RUFY1: variants seen among roughly 807,000 people sequenced by gnomAD.
RUFY1 encodes RUN and FYVE domain-containing protein 1.
Under a neutral mutation model 94.6 loss-of-function variants are expected in RUFY1, and 54 were observed. The observed-to-expected ratio is 0.57, with a 90% confidence interval of 0.46 to 0.72. The LOEUF (loss-of-function observed/expected upper bound fraction) is 0.72, where lower values mean the gene tolerates loss of function less well. Ranked by LOEUF, RUFY1 falls within the 30% of genes least tolerant of loss-of-function variation. The probability of loss-of-function intolerance (pLI) is 0.00; values close to 1 mark genes in which losing one functional copy is unlikely to be tolerated. For synonymous variants in RUFY1, 396 were observed against 347.3 expected, an observed-to-expected ratio of 1.14 and a Z score of -1.56; for missense variants, 883 against 883.9, an observed-to-expected ratio of 1.00 and a Z score of 0.01.
At chr5:179,588,309 C>G (rs1291188434) in intron 8 of RUFY1, among the ~76,000 whole-genome samples, 1 of 152,148 alleles carries the variant, frequency 6.6e-6, no homozygotes, top group Non-Finnish European at 1.5e-5. Flanking sequence ...GAGAGCCAGC[C>G]AAGCACCAAG....
chr5:179,551,654 C>G (rs1407726694), intron 1 of RUFY1, among the ~76,000 whole-genome samples: 1 of 149,840 alleles, frequency 6.7e-6, no homozygotes, highest in South Asian at 2.1e-4. Context: ...CACCACCACG[C>G]TCGGCTAAGT....
intron 15 of RUFY1, among the ~76,000 whole-genome samples, chr5:179,605,278 C>CAA (rs35410796): frequency 0.016 from 2,086 of 130,590 alleles, 37 homozygotes; most frequent in Middle Eastern, 0.034. Flanking sequence ...GATCCTGTCT[C>CAA]AAAAAAAAAA....
chr5:179,577,148 G>C lies in RUFY1; in HGVS notation c.890+12G>C, dbSNP rs369807065. On this transcript the variant is annotated intron_variant, in intron 6 of 17. Coordinates refer to ENST00000319449, the MANE Select transcript of RUFY1 (RefSeq NM_025158.5). Reference sequence around the variant, plus strand: ...GATGGTGGCAAGGAGTAAGTACTGCGTTGTATGTCACTTTTTTTTTTTTTT... The same window carrying C: ...GATGGTGGCAAGGAGTAAGTACTGCCTTGTATGTCACTTTTTTTTTTTTTT... The C allele has an allele frequency of 8.3e-6, 7 of 839,042 alleles. No homozygotes were observed. The highest frequency in any genetic ancestry group is 1.3e-5 in the Non-Finnish European group (7 of 537,370). The allele number at this position is 839,042 out of a possible 1,614,324, so 52.0% of individuals were successfully genotyped here. A position where few individuals can be genotyped will look rare whatever the true frequency, so the allele number is the denominator to read the frequency against.
chr5:179,601,268 A>C (rs1327375620), intron 14 of RUFY1, among the ~76,000 whole-genome samples: 4 of 151,872 alleles, frequency 2.6e-5, no homozygotes, highest in African/African-American at 9.7e-5. Context: ...TCCCGGGTTC[A>C]AGCAGTTCTC....
At chr5:179,605,278 C>CA (rs35410796) in intron 15 of RUFY1, among the ~76,000 whole-genome samples, 69,629 of 130,452 alleles carry the variant, frequency 0.53, 17,587 homozygotes, top group Non-Finnish European at 0.58. Context: ...GATCCTGTCT[C>CA]AAAAAAAAAA....
chr5:179,583,201 G>A (rs1036525150), intron 7 of RUFY1, among the ~76,000 whole-genome samples: 8 of 151,578 alleles, frequency 5.3e-5, no homozygotes, highest in Non-Finnish European at 1.2e-4. Context: ...GCTCGAGGCT[G>A]AGGCAAGAGA....
At chr5:179,575,783 GTTTT>G (rs549835247) in intron 5 of RUFY1, among the ~76,000 whole-genome samples, 1 of 151,600 alleles carries the variant, frequency 6.6e-6, no homozygotes, top group Non-Finnish European at 1.5e-5. Flanking sequence ...GAGTTTTGTT[GTTTT>G]TTTTGTTTTG....
At chr5:179,594,374 C>T (rs992740414) in intron 11 of RUFY1, among the ~76,000 whole-genome samples, 6 of 151,294 alleles carry the variant, frequency 4.0e-5, no homozygotes, top group Admixed American at 2.0e-4. Context: ...CTGAGTCTTC[C>T]GGGCCACATA....
intron 1 of RUFY1, among the ~76,000 whole-genome samples, chr5:179,553,628 A>G (rs1202668942): frequency 6.6e-6 from 1 of 151,762 alleles, no homozygotes; most frequent in Non-Finnish European, 1.5e-5. Flanking sequence ...TACTAAAAAA[A>G]AAAGTACAAA....
At chr5:179,580,078 T>C (rs1447400048) in intron 6 of RUFY1, among the ~76,000 whole-genome samples, 2 of 152,060 alleles carry the variant, frequency 1.3e-5, no homozygotes, top group Non-Finnish European at 2.9e-5. Flanking sequence ...TGTGGTATAT[T>C]TTGCAGACGT....
intron 3 of RUFY1, among the ~76,000 whole-genome samples, chr5:179,564,792 C>T (rs970568511): frequency 7.9e-5 from 12 of 152,076 alleles, no homozygotes; most frequent in South Asian, 2.1e-4. Context: ...CTATTGCAGT[C>T]GTTATTGGTA....
intron 1 of RUFY1, among the ~76,000 whole-genome samples, chr5:179,558,934 C>G (rs1279357154): frequency 1.3e-5 from 2 of 152,108 alleles, no homozygotes; most frequent in Non-Finnish European, 2.9e-5. Flanking sequence ...AAGACAAAGG[C>G]AAGCAATTCA....
At chr5:179,565,608 G>A (rs373644377) in intron 3 of RUFY1, among the ~76,000 whole-genome samples, 1 of 145,136 alleles carries the variant, frequency 6.9e-6, no homozygotes, top group Admixed American at 7.1e-5. Flanking sequence ...ATCTCTTTGT[G>A]TATCGAATAT....
At chr5:179,605,830 C>A in intron 15 of RUFY1, 46 bp from the exon 16 acceptor site, 4 of 1,060,788 alleles carry the variant, frequency 3.8e-6, no homozygotes, top group Admixed American at 3.4e-5. Flanking sequence ...GATTCAGAGC[C>A]TCACTCTCTC....
chr5:179,571,426 G>A (rs575159570), intron 5 of RUFY1, among the ~76,000 whole-genome samples: 15 of 151,712 alleles, frequency 9.9e-5, no homozygotes, highest in African/African-American at 3.6e-4. Context: ...TTGAGCCTGG[G>A]AGATCAAGGC....
At chr5:179,578,397 T>G (rs1414522021) in intron 6 of RUFY1, among the ~76,000 whole-genome samples, 1 of 151,334 alleles carries the variant, frequency 6.6e-6, no homozygotes, top group Non-Finnish European at 1.5e-5. Flanking sequence ...TTTTTTATTT[T>G]TAGTAGAGAC....
intron 7 of RUFY1, among the ~76,000 whole-genome samples, chr5:179,582,130 C>A (rs1176524367): frequency 6.6e-6 from 1 of 152,030 alleles, no homozygotes; most frequent in Non-Finnish European, 1.5e-5. Context: ...TGGTTTTCAT[C>A]CCATAATCTA....
Position 179,609,557 on chromosome 5 carries a change from C to G in RUFY1, c.*38C>G, listed in dbSNP as rs746564870. 1.3e-6 allele frequency: 2 copies of G among 1,547,046 alleles called. No individual in the cohort carries two copies. Among genetic ancestry groups the G allele is most frequent in the Non-Finnish European group, 1.7e-6 (2 of 1,148,706 alleles). ...AGGAGCACAGCCTCACGGACAGTGC[C>G]AAACCCTGTGGGTCTCCAGGGGCTT... On this transcript the variant is annotated 3_prime_UTR_variant, in exon 18 of 18. Coordinates refer to ENST00000319449, the MANE Select transcript of RUFY1 (RefSeq NM_025158.5).
intron 8 of RUFY1, among the ~76,000 whole-genome samples, chr5:179,588,400 G>A (rs1425285973): frequency 6.6e-6 from 1 of 152,108 alleles, no homozygotes; most frequent in Non-Finnish European, 1.5e-5. Context: ...AGGAGGGATG[G>A]GTTGGTGTGT....
Sources: gnomAD v4.1 joint callset for allele counts (sites outside exome capture counted in the v4.1 genomes callset) on GRCh38, gnomAD v4.1.1 for gene constraint, MANE v1.5 for transcripts, NCBI Gene and HGNC (gene_info 2026-07-23, HGNC 2026-07-21) for gene names.